AKAP19: variants seen among roughly 807,000 people sequenced by gnomAD.
AKAP19 encodes the protein A-kinase anchoring protein 19, also known as small A-kinase anchoring protein.
the AKAP19 span, among the ~76,000 whole-genome samples, chr2:190,149,830 T>C: frequency 2.0e-5 from 3 of 152,232 alleles, no homozygotes; most frequent in Non-Finnish European, 2.9e-5. Context: ...ATCTGTTATG[T>C]CCATTTGTTC....
the AKAP19 span, among the ~76,000 whole-genome samples, chr2:190,017,371 T>C: frequency 6.6e-6 from 1 of 152,166 alleles, no homozygotes; most frequent in Non-Finnish European, 1.5e-5. Context: ...TCCTTTGTGG[T>C]TTGATGGTTT....
the AKAP19 span, among the ~76,000 whole-genome samples, chr2:189,986,373 A>G: frequency 5.9e-5 from 9 of 152,202 alleles, no homozygotes; most frequent in Non-Finnish European, 1.2e-4. Context: ...GGGAGCAAAA[A>G]AAAAACAAAA....
chr2:189,968,332 G>T, the AKAP19 span, among the ~76,000 whole-genome samples: 1 of 152,072 alleles, frequency 6.6e-6, no homozygotes, highest in African/African-American at 2.4e-5. Flanking sequence ...CAAATTCCTG[G>T]ACTCAGGCAA....
the AKAP19 span, among the ~76,000 whole-genome samples, chr2:190,069,175 T>TGTGTGTGAGAGAGAGA: frequency 1.1e-3 from 131 of 123,524 alleles, no homozygotes; most frequent in Non-Finnish European, 1.4e-3. Context: ...TGTGTGTGTG[T>TGTGTGTGAGAGAGAGA]GAGAGAGAGA....
At chr2:190,064,945 C>G in the AKAP19 span, among the ~76,000 whole-genome samples, 1 of 152,152 alleles carries the variant, frequency 6.6e-6, no homozygotes, top group Non-Finnish European at 1.5e-5. Context: ...TAAAATTTAT[C>G]TATGAAACTC....
At chr2:190,081,088 G>A in the AKAP19 span, among the ~76,000 whole-genome samples, 1 of 152,170 alleles carries the variant, frequency 6.6e-6, no homozygotes, top group Non-Finnish European at 1.5e-5. Flanking sequence ...GAGAGGGTCT[G>A]CAGAAAGGAA....
chr2:189,939,207 G>T, the AKAP19 span, among the ~76,000 whole-genome samples: 19 of 152,176 alleles, frequency 1.2e-4, no homozygotes, highest in African/African-American at 4.1e-4. Flanking sequence ...AATCAGTGTG[G>T]CCTTTCAGTG....
At chr2:189,883,847 A>G in the AKAP19 span, among the ~76,000 whole-genome samples, 25 of 152,240 alleles carry the variant, frequency 1.6e-4, no homozygotes, top group East Asian at 4.8e-3. Context: ...GCAATATAAT[A>G]TAAATGTTTT....
chr2:190,133,728 A>T, the AKAP19 span, among the ~76,000 whole-genome samples: 2 of 152,206 alleles, frequency 1.3e-5, no homozygotes, highest in Non-Finnish European at 2.9e-5. Flanking sequence ...AAGTGAAATA[A>T]GCCAGGCACA....
At chr2:190,185,189 CCTA>C in the AKAP19 span, among the ~76,000 whole-genome samples, 2 of 152,222 alleles carry the variant, frequency 1.3e-5, no homozygotes, top group African/African-American at 4.8e-5. Flanking sequence ...ATTTATGCCT[CCTA>C]CTTGTTCTAA....
At chr2:189,921,443 T>C in the AKAP19 span, among the ~76,000 whole-genome samples, 1 of 152,210 alleles carries the variant, frequency 6.6e-6, no homozygotes, top group African/African-American at 2.4e-5. Context: ...TTGTCAAAAA[T>C]AATTTCATTG....
At chr2:190,199,728 G>A in the AKAP19 span, 5 of 1,488,964 alleles carry the variant, frequency 3.4e-6, no homozygotes, top group South Asian at 2.8e-5. Flanking sequence ...TGGTGAAAGG[G>A]AACATTGATT....
chr2:190,190,776 T>A, the AKAP19 span, among the ~76,000 whole-genome samples: 1 of 152,226 alleles, frequency 6.6e-6, no homozygotes, highest in Admixed American at 6.5e-5. Context: ...AATACCTTTT[T>A]AAAATTTTTA....
the AKAP19 span, among the ~76,000 whole-genome samples, chr2:190,183,446 A>G: frequency 6.6e-6 from 1 of 152,180 alleles, no homozygotes; most frequent in African/African-American, 2.4e-5. Context: ...ACAAAAGTAA[A>G]TAACATTAGT....
the AKAP19 span, among the ~76,000 whole-genome samples, chr2:189,885,896 C>T: frequency 2.0e-5 from 3 of 152,122 alleles, no homozygotes; most frequent in Non-Finnish European, 4.4e-5. Context: ...GCAACCTCCA[C>T]CTCCCGGGTT....
chr2:190,194,851 T>C, the AKAP19 span, among the ~76,000 whole-genome samples: 1 of 152,110 alleles, frequency 6.6e-6, no homozygotes, highest in Admixed American at 6.6e-5. Flanking sequence ...TTTCTTCCCA[T>C]GGCTGGATTA....
At chr2:189,946,109 A>G in the AKAP19 span, among the ~76,000 whole-genome samples, 1 of 152,214 alleles carries the variant, frequency 6.6e-6, no homozygotes, top group Admixed American at 6.5e-5. Flanking sequence ...CAAACTTCCC[A>G]GGATACTTTA....
chr2:190,062,751 C>T, the AKAP19 span: 2 of 669,510 alleles, frequency 3.0e-6, no homozygotes, highest in Admixed American at 3.0e-5. Context: ...TTCCAAGTGG[C>T]TTTTTATATT....
At chr2:190,069,175 T>TGTGTGTGTGTGTGA in the AKAP19 span, among the ~76,000 whole-genome samples, 2 of 123,504 alleles carry the variant, frequency 1.6e-5, no homozygotes, top group African/African-American at 6.5e-5. Context: ...TGTGTGTGTG[T>TGTGTGTGTGTGTGA]GAGAGAGAGA....
Sources: allele counts gnomAD v4.1 joint callset (sites outside exome capture counted in the v4.1 genomes callset), GRCh38; gene constraint gnomAD v4.1.1; transcripts MANE v1.5; gene names NCBI Gene and HGNC (gene_info 2026-07-23, HGNC 2026-07-21).